SMYD3: variants seen among roughly 807,000 people sequenced by gnomAD.
SMYD3 encodes SET and MYND domain containing 3.
SMYD3 carries 36 observed loss-of-function variants against 57.7 expected under a neutral mutation model. That is an observed-to-expected ratio of 0.62 (90% CI 0.48 to 0.82). The LOEUF (loss-of-function observed/expected upper bound fraction) is 0.82, where lower values mean the gene tolerates loss of function less well. SMYD3 is among the 40% of genes least tolerant of loss of function. The pLI, the probability that SMYD3 is intolerant of heterozygous loss-of-function variation, is 0.00. For synonymous variants in SMYD3, 211 were observed against 195.0 expected, an observed-to-expected ratio of 1.08 and a Z score of -0.68; for missense variants, 515 against 538.8, an observed-to-expected ratio of 0.96 and a Z score of 0.44.
intron 10 of SMYD3, among the ~76,000 whole-genome samples, chr1:245,817,707 C>G (rs1401459602): frequency 2.0e-5 from 3 of 151,840 alleles, no homozygotes; most frequent in Non-Finnish European, 4.4e-5. Flanking sequence ...CTTAAAGGAG[C>G]TGATGGAGCT....
chr1:246,200,250 ATAGAG>A (rs1176756431), intron 5 of SMYD3, among the ~76,000 whole-genome samples: 2 of 152,050 alleles, frequency 1.3e-5, no homozygotes, highest in East Asian at 1.9e-4. Flanking sequence ...GCCCACTGTA[ATAGAG>A]TAGAGAACAG....
At chr1:245,867,654 GTGTGCGTGCGCGCGCA>G (rs1558438924) in intron 8 of SMYD3, among the ~76,000 whole-genome samples, 6 of 131,680 alleles carry the variant, frequency 4.6e-5, no homozygotes, top group African/African-American at 1.7e-4. Context: ...ATGCGCGTGC[GTGTGCGTGCGCGCGCA>G]CACACACACA....
chr1:246,248,331 C>T (rs1332635427), intron 5 of SMYD3, among the ~76,000 whole-genome samples: 1 of 143,504 alleles, frequency 7.0e-6, no homozygotes, highest in Non-Finnish European at 1.5e-5. Flanking sequence ...CTCTCACACA[C>T]TCATTTTCGG....
intron 1 of SMYD3, among the ~76,000 whole-genome samples, chr1:246,420,748 C>G (rs1375111824): frequency 6.6e-6 from 1 of 152,056 alleles, no homozygotes; most frequent in African/African-American, 2.4e-5. Flanking sequence ...GAAATGTTAA[C>G]AAGAAAGGTA....
intron 5 of SMYD3, among the ~76,000 whole-genome samples, chr1:246,271,092 C>T (rs931482159): frequency 1.3e-5 from 2 of 152,134 alleles, no homozygotes; most frequent in Non-Finnish European, 2.9e-5. Context: ...TTTTCATGTG[C>T]TTATTGGCGT....
intron 5 of SMYD3, among the ~76,000 whole-genome samples, chr1:246,017,769 A>G (rs888137252): frequency 5.9e-5 from 9 of 152,204 alleles, no homozygotes; most frequent in African/African-American, 1.9e-4. Context: ...GAGAATGCAT[A>G]TATGACATTC....
chr1:245,884,619 G>A (rs541151297), intron 8 of SMYD3, among the ~76,000 whole-genome samples: 11 of 152,240 alleles, frequency 7.2e-5, no homozygotes, highest in Middle Eastern at 3.4e-3. Context: ...TACTGTACAC[G>A]TGATTGACAA....
intron 10 of SMYD3, among the ~76,000 whole-genome samples, chr1:245,839,319 G>A (rs2050270780): frequency 6.6e-6 from 1 of 152,132 alleles, no homozygotes; most frequent in Non-Finnish European, 1.5e-5. Flanking sequence ...ACAGGTGCCT[G>A]CCACAGCGCC....
At chr1:246,473,533 G>A (rs1449335715) in intron 1 of SMYD3, among the ~76,000 whole-genome samples, 6 of 152,082 alleles carry the variant, frequency 3.9e-5, no homozygotes, top group African/African-American at 1.4e-4. Flanking sequence ...TTCTAGCTAG[G>A]AATATTACTG....
chr1:246,280,518 G>C (rs2064420696), intron 5 of SMYD3, among the ~76,000 whole-genome samples: 1 of 152,168 alleles, frequency 6.6e-6, no homozygotes, highest in South Asian at 2.1e-4. Flanking sequence ...AGCTACTTGG[G>C]AGGCTGAGGC....
intron 1 of SMYD3, among the ~76,000 whole-genome samples, chr1:246,413,709 A>G (rs1007181561): frequency 1.3e-5 from 2 of 152,038 alleles, no homozygotes; most frequent in African/African-American, 4.8e-5. Context: ...TTTGCCTTCT[A>G]CCATGATTGT....
intron 5 of SMYD3, among the ~76,000 whole-genome samples, chr1:246,095,621 C>G (rs910497663): frequency 6.6e-6 from 1 of 152,256 alleles, no homozygotes; most frequent in African/African-American, 2.4e-5. Flanking sequence ...AAACACCAGT[C>G]AAATCAATCA....
At chr1:246,088,755 T>C (rs952167569) in intron 5 of SMYD3, among the ~76,000 whole-genome samples, 2 of 152,184 alleles carry the variant, frequency 1.3e-5, no homozygotes, top group African/African-American at 2.4e-5. Context: ...TTTGAAAAAT[T>C]AGCTTTGTCA....
intron 1 of SMYD3, among the ~76,000 whole-genome samples, chr1:246,410,722 T>C (rs1208761392): frequency 2.6e-5 from 4 of 152,212 alleles, no homozygotes; most frequent in African/African-American, 7.2e-5. Flanking sequence ...TTTCTATTGA[T>C]TGGAATAGTT....
At chr1:246,168,251 C>G (rs1263870772) in intron 5 of SMYD3, among the ~76,000 whole-genome samples, 1 of 152,076 alleles carries the variant, frequency 6.6e-6, no homozygotes, top group Non-Finnish European at 1.5e-5. Context: ...AAAGTATGCA[C>G]AGGTAGCACG....
At chr1:246,121,980 G>A (rs752582654) in intron 5 of SMYD3, among the ~76,000 whole-genome samples, 5 of 151,496 alleles carry the variant, frequency 3.3e-5, no homozygotes, top group African/African-American at 4.9e-5. Context: ...TTCAAAAATA[G>A]TTCAATTTTA....
rs141550414 is a variant in SMYD3, at chr1:245,811,436, C to G, written c.1076+47060G>C. Among the ~76,000 whole-genome samples the G allele has an allele frequency of 1.3e-3, 194 of 152,258 alleles. 3 individuals carry two copies. The East Asian group carries it at 0.029, about 23-fold the overall frequency. The stretch of plus-strand genomic sequence containing the variant: ...GTTATGCTTTCTGTATGTGTACTCC[C>G]AGACAGATTTGAAATGTTGAAAGTC... On this transcript the variant is annotated intron_variant, in intron 10 of 11. Transcript: ENST00000490107.
At chr1:246,054,468 G>A (rs1183956160) in intron 5 of SMYD3, among the ~76,000 whole-genome samples, 1 of 152,168 alleles carries the variant, frequency 6.6e-6, no homozygotes, top group Non-Finnish European at 1.5e-5. Context: ...GTACATGAAT[G>A]TTCACAGTGA....
At chr1:246,217,310 A>C (rs999433982) in intron 5 of SMYD3, among the ~76,000 whole-genome samples, 14 of 152,120 alleles carry the variant, frequency 9.2e-5, no homozygotes, top group African/African-American at 3.4e-4. Flanking sequence ...AGCTTAAAAA[A>C]CAAAATCACA....
Sources: allele counts gnomAD v4.1 joint callset (sites outside exome capture counted in the v4.1 genomes callset), GRCh38; gene constraint gnomAD v4.1.1; transcripts MANE v1.5; gene names NCBI Gene and HGNC (gene_info 2026-07-23, HGNC 2026-07-21).